Variants in SIK2 observed in about 807,000 individuals in gnomAD.
SIK2 encodes salt inducible kinase 2.
SIK2 carries 29 observed loss-of-function variants against 103.2 expected under a neutral mutation model. The observed-to-expected ratio is 0.28, with a 90% CI of 0.21 to 0.38. The LOEUF is 0.38. Among genes scored for constraint, SIK2 ranks in the 10% least tolerant of loss-of-function variants. The pLI, the probability that SIK2 is intolerant of heterozygous loss-of-function variation, is 1.00. For synonymous variants in SIK2, 412 were observed against 446.1 expected (o/e 0.92, Z 0.96); for missense variants, 879 against 1,171.0 (o/e 0.75, Z 3.64).
At position 111,602,476 on chromosome 11, in the gene SIK2, G is replaced by C; in HGVS notation, c.-88G>C. ...GGAGCGAAGGAGCGAAGGAGCAAGC[G>C]GAGCGGCCGTCGCCCAAGCCAAGCC... is the stretch of plus-strand genomic sequence containing the variant. On this transcript the variant is annotated 5_prime_UTR_variant, in exon 1 of 15. Transcript: ENST00000304987. This position sits in a 1 kb window ranked among gnomAD's most constrained non-coding sequence, Gnocchi z 4.5. 1.5e-6 allele frequency: 2 copies of C among 1,340,088 alleles called. No homozygotes were observed. The highest frequency in any genetic ancestry group is 1.9e-6 in the Non-Finnish European group (2 of 1,037,322). The allele number at this position is 1,340,088 out of a possible 1,614,324, so 83.0% of individuals were successfully genotyped here.
intron 3 of SIK2, among the ~76,000 whole-genome samples, chr11:111,636,950 G>T (rs1484622911): frequency 6.6e-6 from 1 of 152,128 alleles, no homozygotes; most frequent in Non-Finnish European, 1.5e-5. Context: ...ATTTTCCAAT[G>T]ATGTGCTTTG....
chr11:111,603,150 G>T (rs916724117), intron 1 of SIK2, among the ~76,000 whole-genome samples: 1 of 152,150 alleles, frequency 6.6e-6, no homozygotes, highest in Non-Finnish European at 1.5e-5. Context: ...GACCGCCTGC[G>T]CTTGGGCTCC....
Position 111,722,856 on chromosome 11 carries a change from GA to G in SIK2, c.2147+104del, listed in dbSNP as rs1309892500. 1 of 1,102,198 alleles carries G rather than the reference GA, an allele frequency of 9.1e-7. No individual in the cohort carries two copies. The highest frequency in any genetic ancestry group is 1.3e-6 in the Non-Finnish European group (1 of 746,322). The allele number at this position is 1,102,198 out of a possible 1,614,324, so 68.3% of individuals were successfully genotyped here. On this transcript the variant is annotated intron_variant, in intron 14 of 14. Transcript: ENST00000304987. This position sits in a 1 kb window ranked among gnomAD's most constrained non-coding sequence, Gnocchi z 4.4. Reference sequence around the variant, plus strand: ...TTCCTCTCACATTCGCCACTACTAGGAAAATAGGTTTTCTGCGTGTGTCACA... The same window carrying G: ...TTCCTCTCACATTCGCCACTACTAGGAAATAGGTTTTCTGCGTGTGTCACA...
At chr11:111,676,674 A>G (rs183177507) in intron 3 of SIK2, among the ~76,000 whole-genome samples, 1 of 152,350 alleles carries the variant, frequency 6.6e-6, no homozygotes, top group Admixed American at 6.5e-5. Context: ...CTAAAAATGT[A>G]GATACCTTTA....
chr11:111,711,448 G>A (rs573059849), intron 8 of SIK2, among the ~76,000 whole-genome samples: 26 of 152,334 alleles, frequency 1.7e-4, no homozygotes, highest in African/African-American at 6.3e-4. Flanking sequence ...AGAAGCATTT[G>A]TAATGCTTGT....
chr11:111,632,350 T>C (rs991425664), intron 3 of SIK2, among the ~76,000 whole-genome samples: 2 of 152,132 alleles, frequency 1.3e-5, no homozygotes, highest in African/African-American at 4.8e-5. Context: ...CTGTTAAAAA[T>C]TTTCAGGGAC....
rs1461668254 is a variant in SIK2, at chr11:111,701,171, T to C, written c.603+161T>C. ...CTCAGAGCATCTTGAAATGGATCCC[T>C]AGGAAAGAATTTCTAAGGATAGGTG... On this transcript the variant is annotated intron_variant, in intron 5 of 14. Transcript: ENST00000304987. The surrounding 1 kb of genome is among the most constrained non-coding windows in gnomAD (Gnocchi z 4.2). Among the ~76,000 whole-genome samples, 1 of 152,214 alleles carries C rather than the reference T, an allele frequency of 6.6e-6. No individual in the cohort carries two copies. The highest frequency in any genetic ancestry group is 2.4e-5 in the African/African-American group (1 of 41,452).
intron 3 of SIK2, among the ~76,000 whole-genome samples, chr11:111,677,900 A>G (rs1158905215): frequency 2.0e-5 from 3 of 152,318 alleles, no homozygotes; most frequent in Non-Finnish European, 4.4e-5. Context: ...CTGAGTTTAC[A>G]GTTTCACATT....
chr11:111,640,260 C>G (rs1190211227), intron 3 of SIK2, among the ~76,000 whole-genome samples: 4 of 152,098 alleles, frequency 2.6e-5, no homozygotes, highest in African/African-American at 9.7e-5. Context: ...TCCTTTTGTT[C>G]TTGTGTGACT....
chr11:111,703,477 A>G (rs1269825442), intron 7 of SIK2, 54 bp downstream of exon 7: 2 of 1,512,986 alleles, frequency 1.3e-6, no homozygotes, highest in South Asian at 1.1e-5. Flanking sequence ...TTGAAATTTC[A>G]TGCTCACACC....
chr11:111,690,022 T>C (rs1231116461), intron 4 of SIK2, among the ~76,000 whole-genome samples: 2 of 152,074 alleles, frequency 1.3e-5, no homozygotes, highest in Non-Finnish European at 2.9e-5. Flanking sequence ...CACGTATATA[T>C]AAAGATTTAT....
At chr11:111,620,545 C>A (rs45609136) in intron 3 of SIK2, 143 bp downstream of exon 3, 51 of 575,412 alleles carry the variant, frequency 8.9e-5, no homozygotes, top group Middle Eastern at 4.5e-4. Flanking sequence ...TATTCAGTAA[C>A]CTAAAATATG....
At chr11:111,628,843 T>C (rs1232076200) in intron 3 of SIK2, among the ~76,000 whole-genome samples, 1 of 152,182 alleles carries the variant, frequency 6.6e-6, no homozygotes, top group Non-Finnish European at 1.5e-5. Context: ...TTGAATCTCT[T>C]GGATTCTTCC....
rs570890207 is a variant in SIK2, at chr11:111,719,451, T to A, written c.1267-324T>A. ...TTCATTTCCCTTATTTAAAAAAAAA[T>A]AATAACTGGTAGTCCTCAAACTAAT... On this transcript the variant is annotated intron_variant, in intron 9 of 14. Transcript: ENST00000304987. Among the ~76,000 whole-genome samples, 676 of 130,332 alleles carry A rather than the reference T, an allele frequency of 5.2e-3. 3 individuals carry two copies. Among genetic ancestry groups the A allele is most frequent in the African/African-American group, 0.019 (631 of 33,870 alleles). The allele number at this position is 130,332 out of a possible 152,430, so 85.5% of individuals were successfully genotyped here. A position where few individuals can be genotyped will look rare whatever the true frequency, so the allele number is the denominator to read the frequency against.
chr11:111,712,721 G>A (rs1158042592), intron 9 of SIK2, among the ~76,000 whole-genome samples: 1 of 152,080 alleles, frequency 6.6e-6, no homozygotes, highest in Non-Finnish European at 1.5e-5. Flanking sequence ...AATTAATGCT[G>A]AAAACAAAAA....
chr11:111,672,742 C>T (rs1369651454), intron 3 of SIK2, among the ~76,000 whole-genome samples: 1 of 152,120 alleles, frequency 6.6e-6, no homozygotes, highest in African/African-American at 2.4e-5. Flanking sequence ...GATACAAGGA[C>T]TTTTAATGTC....
At chr11:111,673,872 G>A (rs1253849995) in intron 3 of SIK2, among the ~76,000 whole-genome samples, 3 of 151,954 alleles carry the variant, frequency 2.0e-5, no homozygotes, top group Admixed American at 6.6e-5. Context: ...TCAGGAGTTC[G>A]AGACAAGCCT....
chr11:111,616,740 G>A (rs1184423460), intron 2 of SIK2, among the ~76,000 whole-genome samples: 4 of 152,026 alleles, frequency 2.6e-5, no homozygotes, highest in Admixed American at 2.6e-4. Context: ...CAGCTACTTG[G>A]GAGGTTGAGG....
chr11:111,674,343 T>TC (rs944837421), intron 3 of SIK2, among the ~76,000 whole-genome samples: 6 of 152,162 alleles, frequency 3.9e-5, no homozygotes, highest in Admixed American at 1.3e-4. Context: ...TACACAGTTG[T>TC]CCCCCTTTCC....
Sources: gnomAD v4.1 joint callset for allele counts (sites outside exome capture counted in the v4.1 genomes callset) on GRCh38, gnomAD v4.1.1 for gene constraint, Gnocchi (gnomAD v3.1) non-coding constraint, MANE v1.5 for transcripts, NCBI Gene and HGNC (gene_info 2026-07-23, HGNC 2026-07-21) for gene names.